Variants in STX8 observed in about 807,000 individuals in gnomAD.
STX8 encodes the protein syntaxin-8.
Under a neutral mutation model 37.5 loss-of-function variants are expected in STX8, and 23 were observed. The ratio of observed to expected loss-of-function variants is 0.61; its 90% CI spans 0.44 to 0.87. The LOEUF (loss-of-function observed/expected upper bound fraction) is 0.87. STX8 is among the 40% of genes least tolerant of loss of function. STX8 has a pLI of 0.00. For synonymous variants in STX8, 115 were observed against 99.1 expected, an observed-to-expected ratio of 1.16 and a Z score of -0.95; for missense variants, 313 against 284.7, an observed-to-expected ratio of 1.10 and a Z score of -0.71.
intron 7 of STX8, among the ~76,000 whole-genome samples, chr17:9,337,448 A>G (rs538069157): frequency 5.3e-4 from 81 of 152,104 alleles, no homozygotes; most frequent in Middle Eastern, 3.2e-3. Flanking sequence ...GTGTAATCTC[A>G]GCTCACTGCA....
At chr17:9,357,304 T>C (rs1291783679) in intron 7 of STX8, among the ~76,000 whole-genome samples, 1 of 152,098 alleles carries the variant, frequency 6.6e-6, no homozygotes, top group Non-Finnish European at 1.5e-5. Context: ...TTGCATTCTG[T>C]CTCCTCTGAG....
intron 7 of STX8, among the ~76,000 whole-genome samples, chr17:9,258,402 T>C (rs1906882469): frequency 6.6e-6 from 1 of 152,208 alleles, no homozygotes; most frequent in Non-Finnish European, 1.5e-5. Context: ...ATTTCCAGAT[T>C]GAGAGGCTGG....
intron 7 of STX8, among the ~76,000 whole-genome samples, chr17:9,262,291 C>T (rs1275550633): frequency 6.6e-6 from 1 of 152,230 alleles, no homozygotes; most frequent in African/African-American, 2.4e-5. Context: ...CCTCCATACG[C>T]ACAGCTGATG....
intron 6 of STX8, among the ~76,000 whole-genome samples, chr17:9,447,835 T>G (rs945069219): frequency 1.3e-5 from 2 of 152,204 alleles, no homozygotes; most frequent in Non-Finnish European, 1.5e-5. Context: ...TTAAACCAAA[T>G]CATTACAGAT....
chr17:9,384,316 A>G (rs920852393), intron 6 of STX8, among the ~76,000 whole-genome samples: 4 of 152,178 alleles, frequency 2.6e-5, no homozygotes, highest in Admixed American at 2.0e-4. Context: ...TACAAAGAAA[A>G]TTATTTAGAA....
At chr17:9,411,301 T>G (rs1912970190) in intron 6 of STX8, among the ~76,000 whole-genome samples, 1 of 152,188 alleles carries the variant, frequency 6.6e-6, no homozygotes, top group Admixed American at 6.5e-5. Flanking sequence ...TCAGGCCTCT[T>G]CCTCCAGAAC....
At chr17:9,322,434 T>A (rs1180393158) in intron 7 of STX8, among the ~76,000 whole-genome samples, 11 of 152,116 alleles carry the variant, frequency 7.2e-5, no homozygotes. Context: ...GACTCACAGC[T>A]TGAAAGGAAG....
At position 9,556,802 on chromosome 17, in the gene STX8, CATATATAT is replaced by C. The variant is rs1183053093; in HGVS notation, c.212+624_212+631del. The C allele has an allele frequency of 4.2e-5, 4 of 95,002 alleles. No individual in the cohort carries two copies. In the South Asian group the frequency reaches 1.3e-3, roughly 32 times the overall value. The allele number at this position is 95,002 out of a possible 1,614,324, so 5.9% of individuals were successfully genotyped here. ...ATATATATATATATATATACACATA[CATATATAT>C]ATATATATATTTTAACACTTGGTAG... On this transcript the variant is annotated intron_variant, in intron 3 of 7. Coordinates refer to ENST00000306357, the MANE Select transcript of STX8 (RefSeq NM_004853.3).
At chr17:9,399,050 A>G (rs1204776738) in intron 6 of STX8, among the ~76,000 whole-genome samples, 1 of 83,210 alleles carries the variant, frequency 1.2e-5, no homozygotes, top group African/African-American at 6.4e-5. Flanking sequence ...CTCCAGCTCA[A>G]AAAAAAAAAA....
At chr17:9,404,974 C>T (rs775220663) in intron 6 of STX8, among the ~76,000 whole-genome samples, 2 of 152,150 alleles carry the variant, frequency 1.3e-5, no homozygotes, top group Admixed American at 6.6e-5. Flanking sequence ...CCTCCACCCA[C>T]ATCCCCAATT....
chr17:9,461,504 C>T (rs893671406), intron 6 of STX8, among the ~76,000 whole-genome samples: 1 of 152,018 alleles, frequency 6.6e-6, no homozygotes, highest in Non-Finnish European at 1.5e-5. Flanking sequence ...TCTTGACTTT[C>T]TAGGAAGTGT....
Position 9,250,472 on chromosome 17 carries a change from C to G in STX8, c.*106G>C. 9.1e-7 allele frequency: 1 copy of G among 1,097,644 alleles called. No homozygotes were observed. The highest frequency in any genetic ancestry group is 1.4e-6 in the Non-Finnish European group (1 of 738,124). The allele number at this position is 1,097,644 out of a possible 1,614,324, so 68.0% of individuals were successfully genotyped here. On this transcript the variant is annotated 3_prime_UTR_variant, in exon 8 of 8. Coordinates refer to ENST00000306357, the MANE Select transcript of STX8 (RefSeq NM_004853.3). ...TTTACTGAAGCAATGCACAAGAGGT[C>G]AGAGCTTTGGGGGAATTTATTGAGA...
intron 7 of STX8, among the ~76,000 whole-genome samples, chr17:9,284,629 G>C (rs1263614493): frequency 6.6e-6 from 1 of 152,118 alleles, no homozygotes; most frequent in East Asian, 1.9e-4. Context: ...AGCTACTCTT[G>C]TTTTTGAAAA....
intron 6 of STX8, among the ~76,000 whole-genome samples, chr17:9,395,316 T>C (rs570370891): frequency 1.4e-4 from 21 of 151,914 alleles, no homozygotes; most frequent in Admixed American, 1.2e-3. Context: ...AACATGAATA[T>C]GGCAGCTGGA....
At chr17:9,398,346 C>A (rs1415947855) in intron 6 of STX8, among the ~76,000 whole-genome samples, 1 of 152,168 alleles carries the variant, frequency 6.6e-6, no homozygotes, top group African/African-American at 2.4e-5. Flanking sequence ...CCAGTGTTAT[C>A]ATAAGAAAAA....
chr17:9,533,199 G>A (rs950128689), intron 4 of STX8, among the ~76,000 whole-genome samples: 6 of 152,194 alleles, frequency 3.9e-5, no homozygotes, highest in Non-Finnish European at 5.9e-5. Flanking sequence ...GGTCACGATG[G>A]CTCACGCCTT....
chr17:9,429,730 TTATATTA>T (rs377049415), intron 6 of STX8, among the ~76,000 whole-genome samples: 12 of 35,850 alleles, frequency 3.3e-4, no homozygotes, highest in Admixed American at 1.8e-3. Context: ...ATATTTTATA[TTATATTA>T]TATATTATAT....
At chr17:9,398,068 AGTTTATGTAAATACTCCACT>A (rs1367213951) in intron 6 of STX8, among the ~76,000 whole-genome samples, 1 of 151,994 alleles carries the variant, frequency 6.6e-6, no homozygotes, top group Non-Finnish European at 1.5e-5. Context: ...ATCTCCAGCT[AGTTTATGTAAATACTCCACT>A]GTCAAGGAAG....
At chr17:9,383,174 G>T (rs75891890) in intron 6 of STX8, among the ~76,000 whole-genome samples, 1 of 152,116 alleles carries the variant, frequency 6.6e-6, no homozygotes, top group African/African-American at 2.4e-5. Context: ...CTTCCACAAC[G>T]GTGAGAATTT....
Sources: allele counts gnomAD v4.1 joint callset (sites outside exome capture counted in the v4.1 genomes callset), GRCh38; gene constraint gnomAD v4.1.1; transcripts MANE v1.5; gene names NCBI Gene and HGNC (gene_info 2026-07-23, HGNC 2026-07-21).